Variants in RBM44 observed in about 807,000 individuals in gnomAD.
The protein encoded by RBM44 is RNA binding motif protein 44.
A neutral mutation model predicts 105.1 loss-of-function variants in RBM44; 66 were observed. The observed-to-expected ratio is 0.63, with a 90% CI of 0.52 to 0.77. The LOEUF (loss-of-function observed/expected upper bound fraction) is 0.77. RBM44 is among the 30% of genes least tolerant of loss of function. RBM44 has a pLI of 0.00. For synonymous variants in RBM44, 365 were observed against 417.6 expected, an observed-to-expected ratio of 0.87 and a Z score of 1.54; for missense variants, 1,122 against 1,207.8, an observed-to-expected ratio of 0.93 and a Z score of 1.05.
intron 1 of RBM44, among the ~76,000 whole-genome samples, chr2:237,809,611 A>T (rs1151801): frequency 0.089 from 13,472 of 152,162 alleles, 815 homozygotes; most frequent in Non-Finnish European, 0.13. Context: ...CTCAGTGCCT[A>T]ATTCTTGAGT....
rs563907792 is a variant in RBM44 at position 237,841,852 on chromosome 2, AGT to A, written c.*41_*42del. 8.8e-4 allele frequency: 134 copies of A among 152,300 alleles called. 1 individual carries two copies. Among genetic ancestry groups the A allele is most frequent in the African/African-American group, 3.1e-3 (129 of 41,578 alleles). 9.4% of individuals were successfully genotyped at this position (152,300 alleles called of 1,614,324 possible). On this transcript the variant is annotated 3_prime_UTR_variant, in exon 16 of 16. Transcript: ENST00000316997. This position sits in a 1 kb window ranked among gnomAD's most constrained non-coding sequence, Gnocchi z 4.5. ...TTTTGATTCTAGAACTTCCTTGGAAAGTGTGTTTCCTCCTTCAGAGAATGTTC... is the reference window on the plus strand; with the variant it reads ...TTTTGATTCTAGAACTTCCTTGGAAAGTGTTTCCTCCTTCAGAGAATGTTC...
intron 1 of RBM44, among the ~76,000 whole-genome samples, chr2:237,812,582 C>T (rs10182647): frequency 0.021 from 3,219 of 152,206 alleles, 111 homozygotes; most frequent in African/African-American, 0.073. Context: ...TTTTCAGGAT[C>T]AGTGATTGAA....
At chr2:237,815,242 A>C (rs1033488662) in intron 2 of RBM44, among the ~76,000 whole-genome samples, 2 of 152,234 alleles carry the variant, frequency 1.3e-5, no homozygotes, top group Non-Finnish European at 2.9e-5. Flanking sequence ...AGTATCTAGA[A>C]TATATAAAAG....
chr2:237,801,656 CTA>C (rs1274156938), intron 1 of RBM44, among the ~76,000 whole-genome samples: 1 of 152,112 alleles, frequency 6.6e-6, no homozygotes, highest in Non-Finnish European at 1.5e-5. Context: ...CATAATAACT[CTA>C]GTTATCTTAT....
rs201922157 is a variant in RBM44 at position 237,829,205 on chromosome 2, C to T, written c.2601-12C>T. 6.9e-6 allele frequency: 11 copies of T among 1,588,452 alleles called. No individual in the cohort carries two copies. In the East Asian group the frequency reaches 9.0e-5, roughly 13 times the overall value. On this transcript the variant is annotated splice_polypyrimidine_tract_variant and intron_variant, in intron 12 of 15. Coordinates refer to ENST00000316997, the MANE Select transcript of RBM44 (RefSeq NM_001080504.3). ...ATTAACAACCTTTTGGTTTTCTGCT[C>T]TTATGTTTTAGATATGCATCTCTTG...
At chr2:237,812,881 C>G (rs756474664) in intron 1 of RBM44, among the ~76,000 whole-genome samples, 5 of 152,030 alleles carry the variant, frequency 3.3e-5, no homozygotes, top group Non-Finnish European at 7.4e-5. Flanking sequence ...ATGGATATCC[C>G]GATTACCCTG....
chr2:237,807,859 C>G (rs955707444), intron 1 of RBM44, among the ~76,000 whole-genome samples: 1 of 152,182 alleles, frequency 6.6e-6, no homozygotes, highest in African/African-American at 2.4e-5. Flanking sequence ...TACTAATTCC[C>G]TATGGCACCT....
At chr2:237,827,742 A>G (rs1415768191) in intron 12 of RBM44, among the ~76,000 whole-genome samples, 1 of 152,020 alleles carries the variant, frequency 6.6e-6, no homozygotes, top group African/African-American at 2.4e-5. Context: ...AGAGTTATTG[A>G]TTTTTGTATA....
Position 237,821,310 on chromosome 2 carries a change from T to G in RBM44, c.2098-36T>G, listed in dbSNP as rs755187879. ...TTTACTTCATTTAGACAAAACATTT[T>G]AAACAAAGATTTTTTTTCCTTTTCT... On this transcript the variant is annotated intron_variant, in intron 6 of 15. Coordinates refer to ENST00000316997, the MANE Select transcript of RBM44 (RefSeq NM_001080504.3). 5 of 1,559,550 alleles carry G rather than the reference T, an allele frequency of 3.2e-6. No individual in the cohort carries two copies. In the South Asian group the frequency reaches 6.0e-5, roughly 19 times the overall value.
rs1275724119 is a variant in RBM44, at chr2:237,842,272, A to G, written c.*456A>G. On this transcript the variant is annotated 3_prime_UTR_variant, in exon 16 of 16. Transcript: ENST00000316997. ...CTGAACTTTGTCTTAAGACTCTTAC[A>G]TTGGATTATAGGATAACAGATAAAT... 6.6e-6 allele frequency: 1 copy of G among 152,134 alleles called. No individual in the cohort carries two copies. Among genetic ancestry groups the G allele is most frequent in the Non-Finnish European group, 1.5e-5 (1 of 67,986 alleles). The allele number at this position is 152,134 out of a possible 1,614,324, so 9.4% of individuals were successfully genotyped here.
intron 1 of RBM44, among the ~76,000 whole-genome samples, chr2:237,811,645 A>G (rs1173489287): frequency 6.7e-6 from 1 of 150,302 alleles, no homozygotes; most frequent in Non-Finnish European, 1.5e-5. Flanking sequence ...ATTTTTTTTC[A>G]TGGTTGATAA....
chr2:237,831,152 C>T (rs987284463), intron 13 of RBM44, among the ~76,000 whole-genome samples: 1 of 150,764 alleles, frequency 6.6e-6, no homozygotes, highest in African/African-American at 2.4e-5. Context: ...CGCCTGTACT[C>T]CAAGTCAGGC....
chr2:237,804,426 C>T (rs1209541794), intron 1 of RBM44, among the ~76,000 whole-genome samples: 1 of 152,236 alleles, frequency 6.6e-6, no homozygotes, highest in Non-Finnish European at 1.5e-5. Context: ...GTTCCCCTTT[C>T]TCCACAGCCT....
intron 1 of RBM44, among the ~76,000 whole-genome samples, chr2:237,809,077 T>G (rs913085963): frequency 1.3e-5 from 2 of 152,208 alleles, no homozygotes; most frequent in Non-Finnish European, 2.9e-5. Context: ...TGACCCTTAA[T>G]AACACAATGT....
chr2:237,835,552 G>A (rs2061950796), intron 15 of RBM44, among the ~76,000 whole-genome samples: 2 of 152,136 alleles, frequency 1.3e-5, no homozygotes, highest in African/African-American at 4.8e-5. Context: ...TGATAACAAA[G>A]TGAAACAACC....
At chr2:237,827,175 A>C in intron 10 of RBM44, 75 bp from the exon 11 acceptor site, 2 of 832,880 alleles carry the variant, frequency 2.4e-6, no homozygotes, top group Non-Finnish European at 3.8e-6. Context: ...CAAAATATTT[A>C]ACAGTGTTCA....
intron 10 of RBM44, among the ~76,000 whole-genome samples, chr2:237,825,301 A>T (rs971211461): frequency 3.3e-5 from 5 of 151,854 alleles, no homozygotes; most frequent in African/African-American, 1.2e-4. Flanking sequence ...GGCTCATTGC[A>T]ACCCTTCACC....
At chr2:237,820,531 G>A (rs1031861937) in intron 5 of RBM44, 180 bp downstream of exon 5, 69 of 441,166 alleles carry the variant, frequency 1.6e-4, no homozygotes, top group African/African-American at 1.0e-3. Context: ...GCCACAGTGC[G>A]TGGTTGGCAT....
chr2:237,817,375 T>G lies in RBM44; in HGVS notation c.456T>G (p.Asp152Glu). 6.2e-7 allele frequency: 1 copy of G among 1,604,472 alleles called. No homozygotes were observed. The highest frequency in any genetic ancestry group is 1.1e-5 in the South Asian group (1 of 89,772). ...EVFFNILEHQ[D>E]KTVGLERIYN... ...TTTTTAATATTTTGGAACATCAAGA[T>G]AAGACTGTTGGCTTGGAAAGAATCT... The change falls in exon 3 of 16, where the codon GAT becomes GAG. Residue 152 changes from aspartate (D) to glutamate (E), a missense_variant. By Grantham distance (45) the Asp-to-Glu change is conservative (BLOSUM62 2). Around this residue, in one of 3 missense-constraint regions of RBM44, gnomAD observed 918 missense variants for 955.3 expected, o/e 0.96. Transcript: ENST00000316997.
Sources: gnomAD v4.1 joint callset for allele counts (sites outside exome capture counted in the v4.1 genomes callset) on GRCh38, gnomAD v4.1.1 for gene constraint, gnomAD v4.1.1 regional missense constraint, Gnocchi (gnomAD v3.1) non-coding constraint, MANE v1.5 for transcripts, NCBI Gene and HGNC (gene_info 2026-07-23, HGNC 2026-07-21) for gene names.